PIGC: variants seen among roughly 807,000 people sequenced by gnomAD.
PIGC encodes the protein phosphatidylinositol glycan anchor biosynthesis class C, also known as phosphatidylinositol N-acetylglucosaminyltransferase subunit C.
Under a neutral mutation model 20.9 loss-of-function variants are expected in PIGC, and 14 were observed. The observed-to-expected ratio is 0.67, with a 90% CI of 0.44 to 1.05. The LOEUF (loss-of-function observed/expected upper bound fraction) is 1.05. Among genes scored for constraint, PIGC ranks in the 50% least tolerant of loss-of-function variants. The pLI is 0.00. For missense variants in PIGC, 310 were observed against 360.9 expected, an observed-to-expected ratio of 0.86 and a Z score of 1.14; for synonymous variants, 132 against 141.4, an observed-to-expected ratio of 0.93 and a Z score of 0.47.
At chr1:172,443,079 T>C (rs962922882) in intron 1 of PIGC, 3 of 170,230 alleles carry the variant, frequency 1.8e-5, no homozygotes, top group African/African-American at 7.2e-5. Flanking sequence ...TTTCACTTAA[T>C]CCTCACCACC....
chr1:172,443,110 T>C (rs1647524222), intron 1 of PIGC: 1 of 168,322 alleles, frequency 5.9e-6, no homozygotes, highest in South Asian at 2.0e-4. Flanking sequence ...GTATTAGTCC[T>C]GCTTTGGTAA....
rs1478929490 is a variant in PIGC at position 172,442,027 on chromosome 1, G to C, written c.596C>G (p.Ala199Gly). ...AATGGCAAATGTCACCATGATGAAG[G>C]CATGCAGGGACCGGGGAAGACGTGA... ...LASRLPRSLHAFIMVTFAIQI... is the reference protein window; with the variant it reads ...LASRLPRSLHGFIMVTFAIQI... The change falls in exon 2 of 2, where the codon GCC becomes GGC. Residue 199 changes from alanine (A) to glycine (G), a missense_variant. Transcript: ENST00000344529. 1 of 1,614,210 alleles carries C rather than the reference G, an allele frequency of 6.2e-7. No homozygotes were observed. The highest frequency in any genetic ancestry group is 1.1e-5 in the South Asian group (1 of 91,076).
intron 1 of PIGC, 125 bp downstream of exon 1, chr1:172,443,863 C>T: frequency 4.7e-6 from 3 of 639,990 alleles, no homozygotes; most frequent in Non-Finnish European, 6.0e-6. Context: ...CTTCTGGCAC[C>T]CCATTTGGCT....
Position 172,441,923 on chromosome 1 carries a change from G to A in PIGC, c.700C>T (p.Leu234Phe). 1 of 1,614,172 alleles carries A rather than the reference G, an allele frequency of 6.2e-7. No individual in the cohort carries two copies. Among genetic ancestry groups the A allele is most frequent in the South Asian group, 1.1e-5 (1 of 91,082 alleles). The stretch of plus-strand genomic sequence containing the variant: ...CCTCCCACGGCTGAAAATGCAAAAA[G>A]CAGTGTGACCCCCACATAGCTCCGG... ...TPRSYVGVTL[L>F]FAFSAVGGLL... The change falls in exon 2 of 2, where the codon CTT (leucine) becomes TTT (phenylalanine). Residue 234 changes from leucine to phenylalanine, a missense_variant. Physicochemically the swap from Leu to Phe is conservative, Grantham distance 22. Transcript: ENST00000344529.
rs986362099 is a variant in PIGC, at chr1:172,441,549, A to G, written c.*180T>C. 4.1e-6 allele frequency: 2 copies of G among 485,234 alleles called. No homozygotes were observed. Among genetic ancestry groups the G allele is most frequent in the Non-Finnish European group, 7.1e-6 (2 of 281,400 alleles). 30.1% of individuals were successfully genotyped at this position (485,234 alleles called of 1,614,324 possible). A position where few individuals can be genotyped will look rare whatever the true frequency, so the allele number is the denominator to read the frequency against. On this transcript the variant is annotated 3_prime_UTR_variant, in exon 2 of 2. Transcript: ENST00000344529. Reference sequence around the variant, plus strand: ...CCCAGAAAGTTTTTTCATCTACAAAATAACAGAAAGGATAAGCACCCTCAC... The same window carrying G: ...CCCAGAAAGTTTTTTCATCTACAAAGTAACAGAAAGGATAAGCACCCTCAC...
At chr1:172,443,882 G>A in intron 1 of PIGC, 106 bp downstream of exon 1, 1 of 854,034 alleles carries the variant, frequency 1.2e-6, no homozygotes, top group Non-Finnish European at 1.4e-6. Flanking sequence ...CTTTTTGGGT[G>A]GGCCTCCCAC....
chr1:172,443,092 G>T (rs1647520608), intron 1 of PIGC: 2 of 169,302 alleles, frequency 1.2e-5, no homozygotes. Context: ...TCACCACCTT[G>T]TAAGTTAGTA....
At chr1:172,443,011 ATC>A (rs1237461452) in intron 1 of PIGC, 181 bp from the exon 2 acceptor site, 1 of 187,500 alleles carries the variant, frequency 5.3e-6, no homozygotes, top group African/African-American at 2.4e-5. Flanking sequence ...AATAATAGAC[ATC>A]TGTTAGCTAT....
chr1:172,442,905 C>T (rs1286041349), intron 1 of PIGC, 75 bp from the exon 2 acceptor site: 1 of 323,650 alleles, frequency 3.1e-6, no homozygotes, highest in Non-Finnish European at 6.0e-6. Flanking sequence ...GTCAAATCAA[C>T]TCAGTTTACT....
In PIGC at chr1:172,442,061, A is replaced by G. The variant is rs1341109274; in HGVS notation, c.562T>C (p.Cys188Arg). The G allele has an allele frequency of 1.2e-6, 2 of 1,614,120 alleles. No homozygotes were observed. Among genetic ancestry groups the G allele is most frequent in the Non-Finnish European group, 1.7e-6 (2 of 1,180,040 alleles). Residue 188 changes from cysteine (C) to arginine (R), a missense_variant, in exon 2 of 2, where the codon TGC (cysteine) becomes CGC (arginine). Coordinates refer to ENST00000344529, the MANE Select transcript of PIGC (RefSeq NM_153747.2). ...GACCGGGGAAGACGTGATGCCAAGC[A>G]TACAGAAGCAAAGATGGCCATGTTC... Reference protein sequence around the residue: ...SLNMAIFASVCLASRLPRSLH... With the variant: ...SLNMAIFASVRLASRLPRSLH...
In PIGC at chr1:172,442,723, A is replaced by G. The variant is rs1647463915; in HGVS notation, c.-101T>C. 3 of 1,003,384 alleles carry G rather than the reference A, an allele frequency of 3.0e-6. No homozygotes were observed. 62.2% of individuals were successfully genotyped at this position (1,003,384 alleles called of 1,614,324 possible). ...GTTTTGAAATGAGACCTCCCTGGAA[A>G]TTCCATGCTGTGTTGATGTTCTACC... On this transcript the variant is annotated 5_prime_UTR_variant, in exon 2 of 2. Coordinates refer to ENST00000344529, the MANE Select transcript of PIGC (RefSeq NM_153747.2).
chr1:172,442,670 A>G lies in PIGC; in HGVS notation c.-48T>C, dbSNP rs145178516. On this transcript the variant is annotated 5_prime_UTR_variant, in exon 2 of 2. Coordinates refer to ENST00000344529, the MANE Select transcript of PIGC (RefSeq NM_153747.2). ...CCAGTTTAATCATCGCCCTCACAGAAGTCCAGGTGGTTCTTGTTCTTTATG... is the reference window on the plus strand; with the variant it reads ...CCAGTTTAATCATCGCCCTCACAGAGGTCCAGGTGGTTCTTGTTCTTTATG... 30 of 1,505,174 alleles carry G rather than the reference A, an allele frequency of 2.0e-5. No individual in the cohort carries two copies. The East Asian group carries it at 6.1e-4, about 31-fold the overall frequency. The allele number at this position is 1,505,174 out of a possible 1,614,324, so 93.2% of individuals were successfully genotyped here. A position where few individuals can be genotyped will look rare whatever the true frequency, so the allele number is the denominator to read the frequency against.
Position 172,441,896 on chromosome 1 carries a change from G to C in PIGC, c.727C>G (p.Leu243Val). The C allele has an allele frequency of 6.2e-7, 1 of 1,614,144 alleles. No homozygotes were observed. The highest frequency in any genetic ancestry group is 8.5e-7 in the Non-Finnish European group (1 of 1,180,006). Residue 243 changes from leucine to valine, a missense_variant, in exon 2 of 2, where the codon CTA (leucine) becomes GTA (valine). Transcript: ENST00000344529. ...GCTCCCACAGCACTAATGGACAGTA[G>C]GCCTCCCACGGCTGAAAATGCAAAA... is the stretch of plus-strand genomic sequence containing the variant. ...LLFAFSAVGG[L>V]LSISAVGAVL...
In PIGC at chr1:172,441,697, G is replaced by C; in HGVS notation, c.*32C>G. ...TACTAGTTAGGAGGCTAATCTATCA[G>C]CTTGCTTTAATAATGTAATGGATGT... is the stretch of plus-strand genomic sequence containing the variant. On this transcript the variant is annotated 3_prime_UTR_variant, in exon 2 of 2. Transcript: ENST00000344529. 6.7e-7 allele frequency: 1 copy of C among 1,500,318 alleles called. No homozygotes were observed. The highest frequency in any genetic ancestry group is 8.9e-7 in the Non-Finnish European group (1 of 1,119,352). The allele number at this position is 1,500,318 out of a possible 1,614,324, so 92.9% of individuals were successfully genotyped here.
At chr1:172,443,599 C>G (rs1647586771) in intron 1 of PIGC, 1 of 167,108 alleles carries the variant, frequency 6.0e-6, no homozygotes, top group Admixed American at 6.5e-5. Flanking sequence ...AGAAACACCA[C>G]AGCCATCCGG....
rs1046583013 is a variant in PIGC, at chr1:172,441,578, C to T, written c.*151G>A. 2 of 661,842 alleles carry T rather than the reference C, an allele frequency of 3.0e-6. No homozygotes were observed. The highest frequency in any genetic ancestry group is 1.8e-5 in the African/African-American group (1 of 55,324). The allele number at this position is 661,842 out of a possible 1,614,324, so 41.0% of individuals were successfully genotyped here. The stretch of plus-strand genomic sequence containing the variant: ...CAGAAAGGATAAGCACCCTCACCAC[C>T]CAAGCCTTTGGTTCATTTTTTTTGG... On this transcript the variant is annotated 3_prime_UTR_variant, in exon 2 of 2. Transcript: ENST00000344529.
intron 1 of PIGC, chr1:172,443,648 A>G (rs1647595123): frequency 6.0e-6 from 1 of 167,204 alleles, no homozygotes; most frequent in Non-Finnish European, 1.5e-5. Context: ...GCCCGACTTT[A>G]TTTCTTCCAT....
chr1:172,442,379 G>C lies in PIGC; in HGVS notation c.244C>G (p.Pro82Ala). The C allele has an allele frequency of 1.2e-6, 2 of 1,613,402 alleles. No individual in the cohort carries two copies. Among genetic ancestry groups the C allele is most frequent in the Non-Finnish European group, 1.7e-6 (2 of 1,180,022 alleles). The change falls in exon 2 of 2, where the codon CCC (proline) becomes GCC (alanine). Residue 82 changes from proline to alanine, a missense_variant. Coordinates refer to ENST00000344529, the MANE Select transcript of PIGC (RefSeq NM_153747.2). ...AGACCAGTCCCTAAAAGCCAATGGG[G>C]GGCCAGAAGACCCTCATCCATATAC... ...WWYMDEGLLA[P>A]HWLLGTGLAS...
chr1:172,441,467 A>AT lies in PIGC; in HGVS notation c.*261dup, dbSNP rs1417130070. Reference sequence around the variant, plus strand: ...CATGAGACAACTTGATGGATGTGTTATTTTTTTAATAGAAACCACATCACT... The same window carrying AT: ...CATGAGACAACTTGATGGATGTGTTATTTTTTTTAATAGAAACCACATCACT... On this transcript the variant is annotated 3_prime_UTR_variant, in exon 2 of 2. Coordinates refer to ENST00000344529, the MANE Select transcript of PIGC (RefSeq NM_153747.2). The AT allele has an allele frequency of 3.3e-6, 1 of 303,880 alleles. No homozygotes were observed. Among genetic ancestry groups the AT allele is most frequent in the Non-Finnish European group, 6.0e-6 (1 of 165,898 alleles). The allele number at this position is 303,880 out of a possible 1,614,324, so 18.8% of individuals were successfully genotyped here. A position where few individuals can be genotyped will look rare whatever the true frequency, so the allele number is the denominator to read the frequency against.
Sources: allele counts gnomAD v4.1 joint callset, GRCh38; gene constraint gnomAD v4.1.1; transcripts MANE v1.5; gene names NCBI Gene and HGNC (gene_info 2026-07-23, HGNC 2026-07-21).